Variants in CAMK1G observed in about 807,000 individuals in gnomAD.
CAMK1G encodes calcium/calmodulin dependent protein kinase IG.
A neutral mutation model predicts 54.8 loss-of-function variants in CAMK1G; 27 were observed. The observed-to-expected ratio is 0.49, with a 90% CI of 0.36 to 0.68. The LOEUF is 0.68. Ranked by LOEUF, CAMK1G falls within the 30% of genes least tolerant of loss-of-function variation. The probability of loss-of-function intolerance (pLI) is 0.00; values close to 1 mark genes in which losing one functional copy is unlikely to be tolerated. For missense variants in CAMK1G, 512 were observed against 591.0 expected (o/e 0.87, Z 1.39); for synonymous variants, 238 against 224.9 (o/e 1.06, Z -0.52).
chr1:209,606,634 C>T (rs1571784394), intron 6 of CAMK1G, among the ~76,000 whole-genome samples, 191 bp downstream of exon 6: 1 of 152,328 alleles, frequency 6.6e-6, no homozygotes, highest in Non-Finnish European at 1.5e-5. Flanking sequence ...CTCCCAAATT[C>T]TACATTTTTA....
intron 4 of CAMK1G, among the ~76,000 whole-genome samples, chr1:209,604,459 G>A (rs571766771): frequency 1.3e-5 from 2 of 152,214 alleles, no homozygotes; most frequent in African/African-American, 4.8e-5. Context: ...TCTGTACAAA[G>A]AGTGTATTTC....
At chr1:209,608,925 G>A (rs1043440645) in intron 7 of CAMK1G, 55 bp from the exon 8 acceptor site, 3 of 1,605,604 alleles carry the variant, frequency 1.9e-6, no homozygotes, top group African/African-American at 1.3e-5. Context: ...CAGAGAGGCT[G>A]GCTCAGGGAG....
intron 5 of CAMK1G, 54 bp from the exon 6 acceptor site, chr1:209,606,266 A>G (rs1665647368): frequency 1.1e-5 from 17 of 1,593,350 alleles, no homozygotes; most frequent in Non-Finnish European, 1.5e-5. Context: ...AAGGGGAAGG[A>G]AAATACTTGC....
chr1:209,602,723 G>A (rs1022951300), intron 3 of CAMK1G, among the ~76,000 whole-genome samples: 4 of 152,184 alleles, frequency 2.6e-5, no homozygotes, highest in African/African-American at 9.7e-5. Context: ...TGAACTTCAT[G>A]TTTAGACTTG....
chr1:209,612,824 TG>T lies in CAMK1G; in HGVS notation c.1382del (p.Gly461AlafsTer93), dbSNP rs751342331. The T allele has an allele frequency of 4.3e-6, 7 of 1,614,106 alleles. 1 individual carries two copies. In the South Asian group the frequency reaches 7.7e-5, roughly 18 times the overall value. On this transcript the variant is annotated frameshift_variant, in exon 12 of 13. Coordinates refer to ENST00000361322, the MANE Select transcript of CAMK1G (RefSeq NM_020439.3). LOFTEE classifies it high-confidence loss of function. ...AGGTCATGGTACCAGTTAAAGCCAG[TG>T]GCAGCTCCCACTGCCGGGCAGGGCA... ...SEVMVPVKAS[G>X]SSHCRAGQTG...
rs11119315 is a variant in CAMK1G, at chr1:209,611,861, G to A, written c.985G>A (p.Val329Ile). The change falls in exon 11 of 13, where the codon GTC becomes ATC. Residue 329 changes from valine (V) to isoleucine (I), a missense_variant. This residue lies in a region of CAMK1G where 315 missense variants were observed against 330.5 expected (regional missense o/e 0.95). Coordinates refer to ENST00000361322, the MANE Select transcript of CAMK1G (RefSeq NM_020439.3). ...ACACATGAACCTGCACAGCCCGGGC[G>A]TCCGCCCAGAGGTGGAGAACAGGCC... ...KLHMNLHSPG[V>I]RPEVENRPPE... 293,875 of 1,614,034 alleles carry A rather than the reference G, an allele frequency of 0.18. 28,252 individuals are homozygous for A. Among genetic ancestry groups the A allele is most frequent in the African/African-American group, 0.29 (21,714 of 75,004 alleles).
rs1665612641 is a variant in CAMK1G, at chr1:209,604,993, TC to T, written c.297-539del. On this transcript the variant is annotated intron_variant, in intron 4 of 12. Transcript: ENST00000361322. ...TAGAAGTCAGACTTGATCTTTAAGC[TC>T]CCCTGGGTCCTAAGATACTCTACCA... Among the ~76,000 whole-genome samples, 3 of 152,094 alleles carry T rather than the reference TC, an allele frequency of 2.0e-5. No homozygotes were observed. In the South Asian group the frequency reaches 6.2e-4, roughly 31 times the overall value.
intron 1 of CAMK1G, among the ~76,000 whole-genome samples, chr1:209,585,826 C>A (rs1406209912): frequency 2.0e-5 from 3 of 152,250 alleles, no homozygotes; most frequent in Non-Finnish European, 2.9e-5. Context: ...CCTGCCAGCG[C>A]CAGCGAGTGA....
chr1:209,584,262 G>A (rs1665037994), intron 1 of CAMK1G, among the ~76,000 whole-genome samples: 1 of 152,122 alleles, frequency 6.6e-6, no homozygotes, highest in Non-Finnish European at 1.5e-5. Context: ...GTTATTGGGA[G>A]GATTAGCAGA....
At chr1:209,603,967 G>T (rs1300937973) in intron 4 of CAMK1G, among the ~76,000 whole-genome samples, 5 of 152,130 alleles carry the variant, frequency 3.3e-5, no homozygotes, top group African/African-American at 9.7e-5. Flanking sequence ...TGCTGTAGAG[G>T]TTGGTCAGTG....
Position 209,611,457 on chromosome 1 carries a change from A to G in CAMK1G, c.828-8A>G. 1 of 1,614,018 alleles carries G rather than the reference A, an allele frequency of 6.2e-7. No homozygotes were observed. Among genetic ancestry groups the G allele is most frequent in the African/African-American group, 1.3e-5 (1 of 75,026 alleles). On this transcript the variant is annotated splice_polypyrimidine_tract_variant and splice_region_variant and intron_variant, in intron 9 of 12. Transcript: ENST00000361322. ...CCAGTAGCCAGGTGTCCCCTCTTAC[A>G]TCCACAGGATTGACGGAAACACAGC...
At chr1:209,586,219 T>TTTTAGAGATGATCCAA (rs1553272182) in intron 1 of CAMK1G, among the ~76,000 whole-genome samples, 33 of 152,312 alleles carry the variant, frequency 2.2e-4, no homozygotes, top group Non-Finnish European at 3.7e-4. Flanking sequence ...AAGAGGCACC[T>TTTTAGAGATGATCCAA]CTTGCATGGG....
At chr1:209,589,009 C>CA (rs1321082412) in intron 1 of CAMK1G, among the ~76,000 whole-genome samples, 1 of 152,118 alleles carries the variant, frequency 6.6e-6, no homozygotes, top group Admixed American at 6.5e-5. Flanking sequence ...GAAGTTCATC[C>CA]AAAAAATACA....
At chr1:209,608,506 T>C (rs1335891135) in intron 7 of CAMK1G, among the ~76,000 whole-genome samples, 1 of 152,162 alleles carries the variant, frequency 6.6e-6, no homozygotes, top group Non-Finnish European at 1.5e-5. Context: ...AATTATCTCC[T>C]CCATTTATGT....
At chr1:209,612,363 A>G in intron 11 of CAMK1G, 147 bp downstream of exon 11, 2 of 822,506 alleles carry the variant, frequency 2.4e-6, no homozygotes, top group Non-Finnish European at 3.8e-6. Flanking sequence ...GGCAAGGAAA[A>G]TGCTTCCAGC....
intron 4 of CAMK1G, among the ~76,000 whole-genome samples, chr1:209,605,135 C>T (rs1005264002): frequency 6.6e-6 from 1 of 152,156 alleles, no homozygotes; most frequent in African/African-American, 2.4e-5. Flanking sequence ...ACTTGCATGC[C>T]TTCTCTTTCC....
intron 3 of CAMK1G, among the ~76,000 whole-genome samples, chr1:209,601,584 G>C (rs558368215): frequency 1.4e-4 from 21 of 152,138 alleles, no homozygotes; most frequent in African/African-American, 4.8e-4. Context: ...TGAGAGCAAG[G>C]ACCATGTCAT....
chr1:209,606,024 AC>A (rs1453455199), intron 5 of CAMK1G, among the ~76,000 whole-genome samples: 1 of 152,220 alleles, frequency 6.6e-6, no homozygotes, highest in Non-Finnish European at 1.5e-5. Flanking sequence ...GACACCATTA[AC>A]CAAAGATTGG....
intron 5 of CAMK1G, 163 bp from the exon 6 acceptor site, chr1:209,606,157 G>A (rs570524059): frequency 5.7e-6 from 2 of 353,792 alleles, no homozygotes; most frequent in South Asian, 1.1e-4. Context: ...GGGTGCAGGT[G>A]TGAGGGTGCA....
Sources: gnomAD v4.1 joint callset for allele counts (sites outside exome capture counted in the v4.1 genomes callset) on GRCh38, gnomAD v4.1.1 for gene constraint, gnomAD v4.1.1 regional missense constraint, MANE v1.5 for transcripts, NCBI Gene and HGNC (gene_info 2026-07-23, HGNC 2026-07-21) for gene names.